Variants in RAD54L2 observed in about 807,000 individuals in gnomAD.
RAD54L2 encodes RAD54 like 2.
RAD54L2 carries 27 observed loss-of-function variants against 138.4 expected under a neutral mutation model. The observed-to-expected ratio is 0.20, with a 90% CI of 0.14 to 0.27. RAD54L2 has a LOEUF of 0.27. Among genes scored for constraint, RAD54L2 ranks in the 10% least tolerant of loss-of-function variants. RAD54L2 has a pLI of 1.00. For missense variants in RAD54L2, 1,396 were observed against 1,890.2 expected (o/e 0.74, Z 4.85); for synonymous variants, 644 against 723.2 (o/e 0.89, Z 1.76).
At chr3:51,657,544 C>T (rs772247116) in intron 20 of RAD54L2, 36 bp from the exon 21 acceptor site, 10 of 1,389,396 alleles carry the variant, frequency 7.2e-6, no homozygotes, top group Middle Eastern at 1.8e-4. Flanking sequence ...AGTCAGGCCC[C>T]GTGCAATCTA....
At chr3:51,617,221 G>A (rs973936155) in intron 3 of RAD54L2, among the ~76,000 whole-genome samples, 14 of 151,910 alleles carry the variant, frequency 9.2e-5, no homozygotes, top group Admixed American at 5.9e-4. Context: ...ATATGTTTTC[G>A]TTTCTCTTAG....
chr3:51,552,302 G>A (rs1190324982), intron 2 of RAD54L2, among the ~76,000 whole-genome samples: 2 of 151,272 alleles, frequency 1.3e-5, no homozygotes, highest in African/African-American at 4.9e-5. Flanking sequence ...TTGCTCTGTC[G>A]CCCAGGCTAG....
At chr3:51,659,637 C>T (rs1052490626) in intron 21 of RAD54L2, among the ~76,000 whole-genome samples, 1 of 152,212 alleles carries the variant, frequency 6.6e-6, no homozygotes, top group Non-Finnish European at 1.5e-5. Context: ...GCCAGAGTGC[C>T]TGGGAACATA....
At position 51,618,089 on chromosome 3, in the gene RAD54L2, G is replaced by C. The variant is rs530381298; in HGVS notation, c.140-9464G>C. On this transcript the variant is annotated intron_variant, in intron 3 of 22. Coordinates refer to ENST00000684192, the MANE Select transcript of RAD54L2 (RefSeq NM_015106.4). ...TTCTCTTGCCTCATCCTCCGGAGTA[G>C]CTGGGACTACAGGCACGTGCCACCA... Among the ~76,000 whole-genome samples, 4 of 151,014 alleles carry C rather than the reference G, an allele frequency of 2.6e-5. No homozygotes were observed. The South Asian group carries it at 8.4e-4, about 32-fold the overall frequency.
intron 3 of RAD54L2, among the ~76,000 whole-genome samples, chr3:51,595,066 A>C (rs1577411052): frequency 6.6e-6 from 1 of 151,590 alleles, no homozygotes; most frequent in Non-Finnish European, 1.5e-5. Context: ...GAGTTTTACC[A>C]TGTTGGCCAG....
intron 3 of RAD54L2, among the ~76,000 whole-genome samples, chr3:51,594,232 C>T (rs1699906284): frequency 6.6e-6 from 1 of 151,946 alleles, no homozygotes; most frequent in Non-Finnish European, 1.5e-5. Flanking sequence ...CACCACTATG[C>T]CTGGCTAAGT....
At position 51,637,424 on chromosome 3, in the gene RAD54L2, G is replaced by A. The variant is rs763307258; in HGVS notation, c.1603G>A (p.Asp535Asn). ...CCCTATCCTGAATGGGCAATGTATT[G>A]ACAGCACACCTCAGGACGTCCGCCT... ...ERPILNGQCI[D>N]STPQDVRLMR... Residue 535 changes from aspartate to asparagine, a missense_variant, in exon 11 of 23, where the codon GAC (aspartate) becomes AAC (asparagine). By Grantham distance (23) the Asp-to-Asn change is conservative. Transcript: ENST00000684192. This position sits in a 1 kb window ranked among gnomAD's most constrained non-coding sequence, Gnocchi z 5.9. 2 of 1,613,928 alleles carry A rather than the reference G, an allele frequency of 1.2e-6. No individual in the cohort carries two copies. The highest frequency in any genetic ancestry group is 1.7e-6 in the Non-Finnish European group (2 of 1,179,876).
chr3:51,638,105 C>T lies in RAD54L2; in HGVS notation c.1683-39C>T, dbSNP rs1230207154. 4 of 1,603,420 alleles carry T rather than the reference C, an allele frequency of 2.5e-6. 1 individual carries two copies. The highest frequency in any genetic ancestry group is 2.2e-5 in the South Asian group (2 of 90,330). ...TTATCTTGTGCTGACCCCTCCTGGCCACACTACCTTGCCGTTTCTGTTCTG... is the reference window on the plus strand; with the variant it reads ...TTATCTTGTGCTGACCCCTCCTGGCTACACTACCTTGCCGTTTCTGTTCTG... On this transcript the variant is annotated intron_variant, in intron 11 of 22. Coordinates refer to ENST00000684192, the MANE Select transcript of RAD54L2 (RefSeq NM_015106.4). The surrounding 1 kb of genome is among the most constrained non-coding windows in gnomAD (Gnocchi z 4.3).
intron 12 of RAD54L2, 138 bp from the exon 13 acceptor site, chr3:51,639,281 G>T (rs936194202): frequency 5.8e-6 from 6 of 1,031,430 alleles, no homozygotes; most frequent in Non-Finnish European, 8.5e-6. Context: ...GCTGTGAAGG[G>T]CTCTGACTTT....
chr3:51,590,009 T>G (rs953676386), intron 2 of RAD54L2, among the ~76,000 whole-genome samples: 2 of 152,116 alleles, frequency 1.3e-5, no homozygotes, highest in African/African-American at 4.8e-5. Flanking sequence ...GTTTTTCTTT[T>G]GGAGAGAGTC....
chr3:51,631,010 G>A (rs756142696), intron 7 of RAD54L2, 79 bp downstream of exon 7: 7 of 1,371,626 alleles, frequency 5.1e-6, no homozygotes, highest in Admixed American at 1.9e-5. Context: ...GGTTATTAGC[G>A]TCACAGCCTG....
In RAD54L2 at chr3:51,665,338, C is replaced by G. The variant is rs1306590605; in HGVS notation, c.*1918C>G. 1.3e-5 allele frequency: 2 copies of G among 152,212 alleles called. No individual in the cohort carries two copies. The highest frequency in any genetic ancestry group is 2.9e-5 in the Non-Finnish European group (2 of 68,066). The allele number at this position is 152,212 out of a possible 1,614,324, so 9.4% of individuals were successfully genotyped here. A position where few individuals can be genotyped will look rare whatever the true frequency, so the allele number is the denominator to read the frequency against. ...CAGGTCATCCCAGTAGTAGCTCCTA[C>G]AGCTCTTCTGACCAGCCCATTTCCA... is the stretch of plus-strand genomic sequence containing the variant. On this transcript the variant is annotated 3_prime_UTR_variant, in exon 23 of 23. Transcript: ENST00000684192.
chr3:51,625,217 G>A (rs1474103592), intron 3 of RAD54L2, among the ~76,000 whole-genome samples: 1 of 152,098 alleles, frequency 6.6e-6, no homozygotes, highest in Admixed American at 6.5e-5. Flanking sequence ...TCGGGAGTTC[G>A]AGACCACCCT....
At chr3:51,595,167 A>T (rs1425606303) in intron 3 of RAD54L2, among the ~76,000 whole-genome samples, 2 of 152,022 alleles carry the variant, frequency 1.3e-5, no homozygotes, top group African/African-American at 2.4e-5. Flanking sequence ...TGCCTGGCCG[A>T]TGGGCCCTTT....
At chr3:51,641,638 G>A (rs983126828) in intron 14 of RAD54L2, 111 bp from the exon 15 acceptor site, 1 of 679,878 alleles carries the variant, frequency 1.5e-6, no homozygotes, top group Non-Finnish European at 2.5e-6. Flanking sequence ...CTTTTCAGTG[G>A]TAGGTTGTGG....
intron 2 of RAD54L2, among the ~76,000 whole-genome samples, chr3:51,556,822 C>G (rs1306157359): frequency 6.6e-6 from 1 of 151,878 alleles, no homozygotes; most frequent in African/African-American, 2.4e-5. Flanking sequence ...GTGATCCGCC[C>G]GCCTCTGCCT....
At chr3:51,641,602 C>A in intron 14 of RAD54L2, 147 bp from the exon 15 acceptor site, 1 of 561,064 alleles carries the variant, frequency 1.8e-6, no homozygotes. Context: ...TAGGCTTGAG[C>A]CACCGTGCCC....
intron 3 of RAD54L2, among the ~76,000 whole-genome samples, chr3:51,599,419 G>T (rs1002725178): frequency 6.6e-6 from 1 of 151,888 alleles, no homozygotes; most frequent in Non-Finnish European, 1.5e-5. Flanking sequence ...ACTTTAAAGC[G>T]GCATAAGAAA....
At chr3:51,621,150 C>T (rs1351928869) in intron 3 of RAD54L2, among the ~76,000 whole-genome samples, 1 of 151,988 alleles carries the variant, frequency 6.6e-6, no homozygotes, top group Non-Finnish European at 1.5e-5. Context: ...ATGTAAAAAC[C>T]ATAATCATCA....
Sources: allele counts gnomAD v4.1 joint callset (sites outside exome capture counted in the v4.1 genomes callset), GRCh38; gene constraint gnomAD v4.1.1; non-coding constraint Gnocchi (gnomAD v3.1); transcripts MANE v1.5; gene names NCBI Gene and HGNC (gene_info 2026-07-23, HGNC 2026-07-21).